ESRRG: variants seen among roughly 807,000 people sequenced by gnomAD.
ESRRG encodes the protein estrogen related receptor gamma.
Under a neutral mutation model 44.0 loss-of-function variants are expected in ESRRG, and 13 were observed. The ratio of observed to expected loss-of-function variants is 0.30; its 90% CI spans 0.19 to 0.47. ESRRG has a LOEUF of 0.47. Ranked by LOEUF, ESRRG falls within the 20% of genes least tolerant of loss-of-function variation. The probability of loss-of-function intolerance (pLI) is 1.00; values close to 1 mark genes in which losing one functional copy is unlikely to be tolerated. For missense variants in ESRRG, 395 were observed against 580.6 expected, an observed-to-expected ratio of 0.68 and a Z score of 3.29; for synonymous variants, 215 against 214.6, an observed-to-expected ratio of 1.00 and a Z score of -0.02.
intron 5 of ESRRG, 126 bp downstream of exon 5, chr1:216,564,093 T>A: frequency 2.0e-6 from 1 of 510,756 alleles, no homozygotes; most frequent in Non-Finnish European, 3.4e-6. Flanking sequence ...AAATTATGAT[T>A]AAAAATAAAT....
At chr1:216,837,660 G>A (rs1404067797) in intron 2 of ESRRG, among the ~76,000 whole-genome samples, 1 of 152,060 alleles carries the variant, frequency 6.6e-6, no homozygotes, top group Non-Finnish European at 1.5e-5. Flanking sequence ...CTCATGAAAG[G>A]CAACAGAGAG....
intron 1 of ESRRG, among the ~76,000 whole-genome samples, chr1:217,054,263 T>C (rs1423225359): frequency 1.3e-5 from 2 of 152,216 alleles, no homozygotes; most frequent in African/African-American, 4.8e-5. Context: ...CAATAGGCTA[T>C]TGATCATACT....
intron 1 of ESRRG, among the ~76,000 whole-genome samples, chr1:217,049,208 G>C (rs2085453628): frequency 6.6e-6 from 1 of 152,138 alleles, no homozygotes; most frequent in African/African-American, 2.4e-5. Flanking sequence ...TTCCTGACCA[G>C]GATTTTCATC....
At chr1:217,058,501 C>T (rs548360853) in intron 1 of ESRRG, among the ~76,000 whole-genome samples, 83 of 152,148 alleles carry the variant, frequency 5.5e-4, no homozygotes, top group African/African-American at 1.9e-3. Context: ...TACTTGTGGA[C>T]TTAAGTTTAA....
chr1:217,135,983 T>G (rs1280647669), intron 1 of ESRRG, among the ~76,000 whole-genome samples: 1 of 151,982 alleles, frequency 6.6e-6, no homozygotes, highest in Non-Finnish European at 1.5e-5. Flanking sequence ...GGGGATAGAT[T>G]GGGAGAGAGA....
chr1:217,124,891 G>A (rs928024260), intron 1 of ESRRG, among the ~76,000 whole-genome samples: 1 of 152,092 alleles, frequency 6.6e-6, no homozygotes, highest in African/African-American at 2.4e-5. Context: ...GTAAAGAGAT[G>A]GTATATGATC....
At chr1:216,878,521 C>A (rs910265341) in intron 2 of ESRRG, among the ~76,000 whole-genome samples, 3 of 152,082 alleles carry the variant, frequency 2.0e-5, no homozygotes, top group Non-Finnish European at 4.4e-5. Flanking sequence ...TCTTCTATTT[C>A]TTTCATAGTT....
chr1:216,569,888 A>AAGTTTTG (rs1297173472), intron 3 of ESRRG, among the ~76,000 whole-genome samples: 2 of 152,212 alleles, frequency 1.3e-5, no homozygotes, highest in Admixed American at 1.3e-4. Context: ...GCTACATAGC[A>AAGTTTTG]CATGCAGTGT....
intron 2 of ESRRG, among the ~76,000 whole-genome samples, chr1:216,881,565 T>A (rs1322857567): frequency 1.3e-5 from 2 of 151,832 alleles, no homozygotes; most frequent in Admixed American, 6.6e-5. Flanking sequence ...GAACAAAAAA[T>A]TTTTTTTCTA....
At chr1:216,509,108 C>T (rs2042004961) in intron 6 of ESRRG, among the ~76,000 whole-genome samples, 1 of 152,152 alleles carries the variant, frequency 6.6e-6, no homozygotes, top group Admixed American at 6.5e-5. Flanking sequence ...CTCCCCAAGC[C>T]CTAGAAGACA....
At chr1:216,571,006 G>C (rs1174590533) in intron 3 of ESRRG, among the ~76,000 whole-genome samples, 3 of 152,138 alleles carry the variant, frequency 2.0e-5, no homozygotes, top group Non-Finnish European at 4.4e-5. Context: ...AAAGACCATA[G>C]CTGAGTGACT....
At chr1:216,967,910 T>C (rs929054551) in intron 1 of ESRRG, among the ~76,000 whole-genome samples, 5 of 152,194 alleles carry the variant, frequency 3.3e-5, no homozygotes, top group African/African-American at 1.2e-4. Flanking sequence ...CATTTGGTAT[T>C]GTCAGCGTCT....
chr1:216,966,092 T>C (rs2070296412), intron 1 of ESRRG, among the ~76,000 whole-genome samples: 2 of 152,114 alleles, frequency 1.3e-5, no homozygotes, highest in South Asian at 4.2e-4. Context: ...GGTAGAACAA[T>C]AGAACATGTT....
intron 1 of ESRRG, among the ~76,000 whole-genome samples, chr1:216,704,723 G>A (rs772866447): frequency 2.0e-4 from 30 of 151,784 alleles, no homozygotes; most frequent in South Asian, 2.1e-4. Flanking sequence ...TTATCCACAC[G>A]TATATGTCTA....
chr1:216,723,839 T>C (rs2086926413), upstream of ESRRG, among the ~76,000 whole-genome samples: 1 of 152,048 alleles, frequency 6.6e-6, no homozygotes, highest in Non-Finnish European at 1.5e-5. Context: ...CTCTTTTGCC[T>C]TGAAAAGGAG....
intron 1 of ESRRG, among the ~76,000 whole-genome samples, chr1:216,963,979 T>C (rs1023234851): frequency 4.6e-5 from 7 of 151,656 alleles, no homozygotes; most frequent in Admixed American, 6.6e-5. Context: ...GAGAAAAGAG[T>C]AGGAATTAAT....
At chr1:216,638,613 C>T (rs776019920) in intron 3 of ESRRG, among the ~76,000 whole-genome samples, 11 of 152,046 alleles carry the variant, frequency 7.2e-5, no homozygotes, top group South Asian at 2.1e-4. Context: ...TGAATATAAA[C>T]GCTGGTGAAA....
At chr1:216,964,039 C>T (rs1173020582) in intron 1 of ESRRG, among the ~76,000 whole-genome samples, 2 of 152,086 alleles carry the variant, frequency 1.3e-5, no homozygotes, top group Non-Finnish European at 2.9e-5. Flanking sequence ...ACAGCAGATG[C>T]AAAGGTCCTG....
At chr1:216,603,693 C>A (rs1035184101) in intron 3 of ESRRG, among the ~76,000 whole-genome samples, 1 of 152,144 alleles carries the variant, frequency 6.6e-6, no homozygotes, top group African/African-American at 2.4e-5. Flanking sequence ...CTTTGGGAGG[C>A]CGAGGCAGGT....
Sources: allele counts gnomAD v4.1 joint callset (sites outside exome capture counted in the v4.1 genomes callset), GRCh38; gene constraint gnomAD v4.1.1; transcripts MANE v1.5; gene names NCBI Gene and HGNC (gene_info 2026-07-23, HGNC 2026-07-21).